Variants in MALRD1 observed in about 807,000 individuals in gnomAD.
The protein encoded by MALRD1 is MAM and LDL receptor class A domain containing 1.
In MALRD1, 247 loss-of-function variants were observed where a neutral mutation model predicts 242.1. That is an observed-to-expected ratio of 1.02 (90% confidence interval 0.92 to 1.13). MALRD1 has a LOEUF of 1.13. Ranked by LOEUF, MALRD1 falls within the 50% of genes most tolerant of loss-of-function variation. The probability of loss-of-function intolerance (pLI) is 0.00; values close to 1 mark genes in which losing one functional copy is unlikely to be tolerated. For synonymous variants in MALRD1, 995 were observed against 866.6 expected (o/e 1.15, Z -2.60); for missense variants, 2,989 against 2,533.1 (o/e 1.18, Z -3.86).
At chr10:19,064,543 T>C (rs1052379038) in intron 1 of MALRD1, among the ~76,000 whole-genome samples, 4 of 151,938 alleles carry the variant, frequency 2.6e-5, no homozygotes, top group African/African-American at 9.7e-5. Flanking sequence ...TGAAAACCTG[T>C]GCTCATTAGA....
At chr10:19,496,154 C>T (rs931510224) in intron 30 of MALRD1, among the ~76,000 whole-genome samples, 1 of 152,106 alleles carries the variant, frequency 6.6e-6, no homozygotes. Context: ...CAGTATTAGA[C>T]AGATAATTGA....
At chr10:19,467,215 T>C (rs1424981579) in intron 29 of MALRD1, among the ~76,000 whole-genome samples, 6 of 63,564 alleles carry the variant, frequency 9.4e-5, no homozygotes, top group Non-Finnish European at 6.5e-5. Context: ...ATTAGCCGGG[T>C]GTGGTGGTGG....
chr10:19,248,930 T>TATTATAAATATAAATTAAATATAA (rs1839179620), intron 18 of MALRD1, among the ~76,000 whole-genome samples: 1 of 147,236 alleles, frequency 6.8e-6, no homozygotes, highest in Admixed American at 6.9e-5. Context: ...TTTTAATTTA[T>TATTATAAATATAAATTAAATATAA]ATTATATATT....
At chr10:19,612,870 C>A (rs187554938) in intron 35 of MALRD1, among the ~76,000 whole-genome samples, 1 of 151,962 alleles carries the variant, frequency 6.6e-6, no homozygotes, top group Non-Finnish European at 1.5e-5. Flanking sequence ...ATGATCCAGT[C>A]ACCTCCCACT....
In MALRD1 at chr10:19,146,243, A is replaced by G; in HGVS notation, c.1457A>G (p.Glu486Gly). ...CDFESGFCGW[E>G]PFLTEDSHWK... ...TTTGAGTCGGGTTTCTGCGGTTGGG[A>G]GCCATTTCTCACAGAAGATTCACAC... The change falls in exon 11 of 40, where the codon GAG becomes GGG. Residue 486 changes from glutamate to glycine, a missense_variant. Coordinates refer to ENST00000454679, the MANE Select transcript of MALRD1 (RefSeq NM_001142308.3). 8.1e-7 allele frequency: 1 copy of G among 1,231,576 alleles called. No homozygotes were observed. Among genetic ancestry groups the G allele is most frequent in the Non-Finnish European group, 1.0e-6 (1 of 987,918 alleles). The allele number at this position is 1,231,576 out of a possible 1,614,324, so 76.3% of individuals were successfully genotyped here.
At chr10:19,534,340 T>C (rs1269671262) in intron 32 of MALRD1, among the ~76,000 whole-genome samples, 1 of 152,218 alleles carries the variant, frequency 6.6e-6, no homozygotes, top group Non-Finnish European at 1.5e-5. Context: ...TAATTTTACA[T>C]GTGGAGGAAC....
rs11387302 is a variant in MALRD1 at position 19,071,302 on chromosome 10, AT to A, written c.340+4455del. Among the ~76,000 whole-genome samples, 333 of 146,100 alleles carry A rather than the reference AT, an allele frequency of 2.3e-3. 2 individuals are homozygous for A. Among genetic ancestry groups the A allele is most frequent in the Middle Eastern group, 0.021 (6 of 286 alleles). On this transcript the variant is annotated intron_variant, in intron 2 of 39. Coordinates refer to ENST00000454679, the MANE Select transcript of MALRD1 (RefSeq NM_001142308.3). ...ATTATTCATAGAACAGGGGGCACTC[AT>A]TTTTTTTTTTTCTGGCTCTCTTCTT... is the stretch of plus-strand genomic sequence containing the variant.
chr10:19,148,963 G>C (rs1833830763), intron 11 of MALRD1, among the ~76,000 whole-genome samples: 1 of 151,676 alleles, frequency 6.6e-6, no homozygotes, highest in South Asian at 2.1e-4. Flanking sequence ...GAAATTTCTG[G>C]TAGAGTCAGA....
At chr10:19,066,560 T>C (rs747707085) in intron 1 of MALRD1, among the ~76,000 whole-genome samples, 159 bp from the exon 2 acceptor site, 20 of 152,230 alleles carry the variant, frequency 1.3e-4, no homozygotes, top group Non-Finnish European at 2.9e-5. Context: ...ATTGGATGTA[T>C]AAAAAGCTTT....
chr10:19,082,909 T>C (rs553356959), intron 2 of MALRD1, among the ~76,000 whole-genome samples: 1 of 152,166 alleles, frequency 6.6e-6, no homozygotes, highest in African/African-American at 2.4e-5. Context: ...CTCACAGTTC[T>C]ATAGGCTGGG....
chr10:19,663,709 C>T (rs969027371), intron 36 of MALRD1, among the ~76,000 whole-genome samples: 14 of 152,098 alleles, frequency 9.2e-5, no homozygotes, highest in Admixed American at 6.5e-4. Context: ...AGACAGCATC[C>T]GGCTCTCAAA....
At chr10:19,455,005 C>A (rs1589106738) in intron 29 of MALRD1, among the ~76,000 whole-genome samples, 3 of 151,946 alleles carry the variant, frequency 2.0e-5, no homozygotes, top group African/African-American at 7.3e-5. Context: ...AAAAATAAAG[C>A]AAAATAATTG....
In MALRD1 at chr10:19,205,137, C is replaced by G. The variant is rs1836729098; in HGVS notation, c.2450C>G (p.Pro817Arg). Residue 817 changes from proline to arginine, a missense_variant, in exon 17 of 40, where the codon CCT (proline) becomes CGT (arginine). Physicochemically the swap from Pro to Arg is moderately radical, Grantham distance 103 (BLOSUM62 -2). Coordinates refer to ENST00000454679, the MANE Select transcript of MALRD1 (RefSeq NM_001142308.3). ...DDIRFENCTL[P>R]LPAESCEGLD... ...ATCCGATTTGAAAATTGTACTCTCC[C>G]TCTTCCTGCTGAGAGCTGTGAAGGG... 1 of 1,550,826 alleles carries G rather than the reference C, an allele frequency of 6.4e-7. No homozygotes were observed.
chr10:19,400,617 A>G (rs1373341662), intron 28 of MALRD1, among the ~76,000 whole-genome samples: 2 of 152,234 alleles, frequency 1.3e-5, no homozygotes, highest in East Asian at 1.9e-4. Flanking sequence ...GAATAATTCA[A>G]TATTATAAGA....
intron 18 of MALRD1, among the ~76,000 whole-genome samples, chr10:19,235,941 T>C (rs1046416600): frequency 3.9e-5 from 6 of 152,112 alleles, no homozygotes. Flanking sequence ...AGAAAGAAAT[T>C]GGTTGAAGAC....
At position 19,088,180 on chromosome 10, in the gene MALRD1, T is replaced by A. The variant is rs1480950751; in HGVS notation, c.592T>A (p.Phe198Ile). Reference sequence around the variant, plus strand: ...CATCAAAATCCAGAGTTCACAGAGATTTCAGGTATGTGTGTTCTATTTTCT... The same window carrying A: ...CATCAAAATCCAGAGTTCACAGAGAATTCAGGTATGTGTGTTCTATTTTCT... ...NVIKIQSSQR[F>I]QVVFEGQMAS... Residue 198 changes from phenylalanine to isoleucine, a missense_variant, in exon 4 of 40, where the codon TTT (phenylalanine) becomes ATT (isoleucine). Phe to Ile is a conservative substitution (Grantham distance 21, BLOSUM62 0). Transcript: ENST00000454679. The A allele has an allele frequency of 8.1e-6, 10 of 1,233,174 alleles. No individual in the cohort carries two copies. The African/African-American group carries it at 1.5e-4, about 19-fold the overall frequency. The allele number at this position is 1,233,174 out of a possible 1,614,324, so 76.4% of individuals were successfully genotyped here.
chr10:19,511,486 A>G (rs559063000), intron 31 of MALRD1, among the ~76,000 whole-genome samples: 147 of 152,346 alleles, frequency 9.6e-4, no homozygotes, highest in African/African-American at 3.3e-3. Flanking sequence ...TTAGGGTTAT[A>G]TATTTGTCTA....
intron 18 of MALRD1, among the ~76,000 whole-genome samples, chr10:19,243,165 A>G (rs1328233652): frequency 6.6e-6 from 1 of 151,658 alleles, no homozygotes; most frequent in Admixed American, 6.6e-5. Context: ...TTAAACTGAT[A>G]ACAACTTAAC....
chr10:19,349,197 G>T (rs1844260561), intron 25 of MALRD1, among the ~76,000 whole-genome samples: 1 of 152,140 alleles, frequency 6.6e-6, no homozygotes, highest in Non-Finnish European at 1.5e-5. Flanking sequence ...CTGACCTCAG[G>T]TGATCTGCCC....
Sources: allele counts gnomAD v4.1 joint callset (sites outside exome capture counted in the v4.1 genomes callset), GRCh38; gene constraint gnomAD v4.1.1; transcripts MANE v1.5; gene names NCBI Gene and HGNC (gene_info 2026-07-23, HGNC 2026-07-21).